TMEM63C: variants seen among roughly 807,000 people sequenced by gnomAD.
The protein encoded by TMEM63C is transmembrane protein 63C.
Under a neutral mutation model 99.2 loss-of-function variants are expected in TMEM63C, and 32 were observed. The observed-to-expected ratio is 0.32, with a 90% CI of 0.24 to 0.43. The LOEUF (loss-of-function observed/expected upper bound fraction) is 0.43, where lower values mean the gene tolerates loss of function less well. Among genes scored for constraint, TMEM63C ranks in the 20% least tolerant of loss-of-function variants. The pLI, the probability that TMEM63C is intolerant of heterozygous loss-of-function variation, is 1.00. For synonymous variants in TMEM63C, 376 were observed against 397.9 expected (o/e 0.94, Z 0.66); for missense variants, 826 against 1,053.0 (o/e 0.78, Z 2.98).
rs777228770 is a variant in TMEM63C at position 77,225,508 on chromosome 14, T to TG, written c.350+53dup. 7 of 1,583,354 alleles carry TG rather than the reference T, an allele frequency of 4.4e-6. No individual in the cohort carries two copies. The African/African-American group carries it at 6.8e-5, about 15-fold the overall frequency. On this transcript the variant is annotated intron_variant, in intron 6 of 23. Transcript: ENST00000298351. ...GCTTGTGACCGTGTTGCCTTGGGGGTGGGGGGTGGAGGCTCCTGGAAAAGT... is the reference window on the plus strand; with the variant it reads ...GCTTGTGACCGTGTTGCCTTGGGGGTGGGGGGGTGGAGGCTCCTGGAAAAGT...
At position 77,208,502 on chromosome 14, in the gene TMEM63C, C is replaced by A. The variant is rs1302913201; in HGVS notation, c.-76-4944C>A. Reference sequence around the variant, plus strand: ...TGAGCACCAGGGAGATCGCCTCCTCCTCCCTCTCCTCCCTTCAGCCTTGTA... The same window carrying A: ...TGAGCACCAGGGAGATCGCCTCCTCATCCCTCTCCTCCCTTCAGCCTTGTA... On this transcript the variant is annotated intron_variant, in intron 1 of 23. Coordinates refer to ENST00000298351, the MANE Select transcript of TMEM63C (RefSeq NM_020431.4). Among the ~76,000 whole-genome samples, 3 of 152,224 alleles carry A rather than the reference C, an allele frequency of 2.0e-5. No individual in the cohort carries two copies. In the East Asian group the frequency reaches 5.8e-4, roughly 29 times the overall value.
intron 17 of TMEM63C, 122 bp from the exon 18 acceptor site, chr14:77,246,487 A>T: frequency 1.2e-6 from 1 of 840,262 alleles, no homozygotes; most frequent in Non-Finnish European, 1.9e-6. Context: ...GGAAGTGTGG[A>T]CTGGCCAGCT....
intron 1 of TMEM63C, among the ~76,000 whole-genome samples, chr14:77,186,136 C>T (rs867344552): frequency 2.0e-5 from 3 of 152,000 alleles, no homozygotes; most frequent in African/African-American, 7.2e-5. Flanking sequence ...CTCAGCCTCC[C>T]GAGTAGCTGG....
chr14:77,221,770 T>C (rs1888727847), intron 5 of TMEM63C, among the ~76,000 whole-genome samples: 1 of 149,120 alleles, frequency 6.7e-6, no homozygotes, highest in Non-Finnish European at 1.5e-5. Context: ...TCAGCAGTGG[T>C]TCCCCCCACC....
At chr14:77,196,477 C>T (rs1407907292) in intron 1 of TMEM63C, among the ~76,000 whole-genome samples, 1 of 152,232 alleles carries the variant, frequency 6.6e-6, no homozygotes, top group African/African-American at 2.4e-5. Flanking sequence ...TGGGAAGGGG[C>T]AGAAGATGCT....
chr14:77,233,812 T>C (rs1185789094), intron 8 of TMEM63C, among the ~76,000 whole-genome samples: 1 of 152,112 alleles, frequency 6.6e-6, no homozygotes, highest in Non-Finnish European at 1.5e-5. Context: ...GACCATGTGC[T>C]GAAAGAGATT....
intron 1 of TMEM63C, among the ~76,000 whole-genome samples, chr14:77,204,450 C>T (rs962290899): frequency 1.3e-5 from 2 of 152,170 alleles, no homozygotes; most frequent in Admixed American, 1.3e-4. Context: ...TGTAAGATCT[C>T]CTCCAGCCAA....
intron 8 of TMEM63C, among the ~76,000 whole-genome samples, chr14:77,234,911 A>G (rs1889009658): frequency 6.6e-6 from 1 of 152,188 alleles, no homozygotes; most frequent in African/African-American, 2.4e-5. Context: ...GAGCCACAGC[A>G]GTTGGCAGGA....
rs549103240 is a variant in TMEM63C, at chr14:77,248,587, C to T, written c.1764+78C>T. On this transcript the variant is annotated intron_variant, in intron 19 of 23. Coordinates refer to ENST00000298351, the MANE Select transcript of TMEM63C (RefSeq NM_020431.4). ...TCAGGGATAGAGCCTGCTAGAAGCA[C>T]CAAGGGGGTTGAGGTGGGAGGGACG... 199 of 1,539,226 alleles carry T rather than the reference C, an allele frequency of 1.3e-4. 1 individual carries two copies. In the East Asian group the frequency reaches 4.7e-3, roughly 36 times the overall value.
Position 77,256,637 on chromosome 14 carries a change from G to A in TMEM63C, c.2332G>A (p.Glu778Lys). The A allele has an allele frequency of 6.2e-7, 1 of 1,614,038 alleles. No individual in the cohort carries two copies. Among genetic ancestry groups the A allele is most frequent in the Non-Finnish European group, 8.5e-7 (1 of 1,179,888 alleles). The change falls in exon 24 of 24, where the codon GAG becomes AAG. Residue 778 changes from glutamate (E) to lysine (K), a missense_variant. Physicochemically the swap from Glu to Lys is moderately conservative, Grantham distance 56 (BLOSUM62 1). Transcript: ENST00000298351. ...MNNQPEEGEE[E>K]SGLRGFAREL... ...CAACCAGCCGGAAGAGGGAGAAGAA[G>A]AGAGTGGTCTGAGGGGCTTTGCGAG... is the stretch of plus-strand genomic sequence containing the variant.
chr14:77,254,205 TG>T lies in TMEM63C; in HGVS notation c.2220+834del, dbSNP rs397852948. On this transcript the variant is annotated intron_variant, in intron 23 of 23. Coordinates refer to ENST00000298351, the MANE Select transcript of TMEM63C (RefSeq NM_020431.4). ...GAAGGCCTGGAGACAGACCGGAGCT[TG>T]GGGGACTCAAGACAGTTTTCGGCAC... Among the ~76,000 whole-genome samples, 853 of 152,124 alleles carry T rather than the reference TG, an allele frequency of 5.6e-3. 9 individuals are homozygous for T. Among genetic ancestry groups the T allele is most frequent in the African/African-American group, 0.019 (793 of 41,484 alleles).
intron 13 of TMEM63C, 96 bp downstream of exon 13, chr14:77,240,704 C>G: frequency 6.8e-7 from 1 of 1,463,994 alleles, no homozygotes; most frequent in East Asian, 2.3e-5. Context: ...TTCTGCCTCC[C>G]CTGGGCCCTC....
At position 77,209,876 on chromosome 14, in the gene TMEM63C, G is replaced by C. The variant is rs117040072; in HGVS notation, c.-76-3570G>C. Among the ~76,000 whole-genome samples, 155 of 152,174 alleles carry C rather than the reference G, an allele frequency of 1.0e-3. 2 individuals carry two copies. In the East Asian group the frequency reaches 0.027, roughly 26 times the overall value. On this transcript the variant is annotated intron_variant, in intron 1 of 23. Transcript: ENST00000298351. ...GTAATGGGAGGAATACCAGAGCCTG[G>C]AACTTCCAGTGAAGAGGTGGTGTGG...
At position 77,242,486 on chromosome 14, in the gene TMEM63C, C is replaced by T. The variant is rs1210135782; in HGVS notation, c.1187+17C>T. 6.2e-7 allele frequency: 1 copy of T among 1,611,884 alleles called. No homozygotes were observed. Among genetic ancestry groups the T allele is most frequent in the East Asian group, 2.2e-5 (1 of 44,878 alleles). On this transcript the variant is annotated intron_variant, in intron 14 of 23. Coordinates refer to ENST00000298351, the MANE Select transcript of TMEM63C (RefSeq NM_020431.4). ...CATTATTTGGTAAGCCTCCTCCATC[C>T]CTCCCCTCTCCTCTGAGCTCCTCTG...
intron 12 of TMEM63C, 123 bp downstream of exon 12, chr14:77,239,849 A>T: frequency 7.4e-7 from 1 of 1,344,732 alleles, no homozygotes; most frequent in South Asian, 1.5e-5. Flanking sequence ...AGTGCTCCCC[A>T]CCCAGCTCCT....
chr14:77,219,178 C>A (rs111620600), intron 3 of TMEM63C, among the ~76,000 whole-genome samples: 2,730 of 152,354 alleles, frequency 0.018, 84 homozygotes, highest in African/African-American at 0.062. Flanking sequence ...TTCTGTGCAT[C>A]ATTGTCCAGA....
chr14:77,205,263 A>G (rs532436308), intron 1 of TMEM63C, among the ~76,000 whole-genome samples: 1 of 152,278 alleles, frequency 6.6e-6, no homozygotes, highest in East Asian at 1.9e-4. Context: ...AGTTAAGGAG[A>G]GCGAAGAAAG....
chr14:77,216,532 T>G (rs190514216), intron 2 of TMEM63C, among the ~76,000 whole-genome samples: 1 of 152,284 alleles, frequency 6.6e-6, no homozygotes, highest in East Asian at 1.9e-4. Context: ...ACTCAACTCT[T>G]GGTTTCACCC....
intron 2 of TMEM63C, among the ~76,000 whole-genome samples, chr14:77,215,614 A>AAAAAAAAAAAGAAAAGAAAAGAAAAG (rs772701077): frequency 4.2e-4 from 32 of 76,542 alleles, no homozygotes; most frequent in Non-Finnish European, 6.6e-4. Flanking sequence ...AAAAAAAAAA[A>AAAAAAAAAAAGAAAAGAAAAGAAAAG]AAAAGAAAAG....
Sources: allele counts gnomAD v4.1 joint callset (sites outside exome capture counted in the v4.1 genomes callset), GRCh38; gene constraint gnomAD v4.1.1; transcripts MANE v1.5; gene names NCBI Gene and HGNC (gene_info 2026-07-23, HGNC 2026-07-21).